The following USP6NL variants were observed in gnomAD, a reference collection of about 807,000 sequenced individuals.
USP6NL encodes USP6 N-terminal-like protein.
A neutral mutation model predicts 61.9 loss-of-function variants in USP6NL; 26 were observed. The ratio of observed to expected loss-of-function variants is 0.42; its 90% CI spans 0.31 to 0.58. The LOEUF is 0.58. USP6NL is among the 20% of genes least tolerant of loss of function. The pLI is 0.16. For missense variants in USP6NL, 1,114 were observed against 1,034.3 expected, an observed-to-expected ratio of 1.08 and a Z score of -1.06; for synonymous variants, 432 against 390.1, an observed-to-expected ratio of 1.11 and a Z score of -1.27.
rs770020629 is a variant in USP6NL at position 11,520,054 on chromosome 10, A to G, written c.156-1480T>C. 6.6e-6 allele frequency among the ~76,000 whole-genome samples: 1 copy of G among 152,228 alleles called. No homozygotes were observed. Among genetic ancestry groups the G allele is most frequent in the Non-Finnish European group, 1.5e-5 (1 of 68,036 alleles). On this transcript the variant is annotated intron_variant, in intron 4 of 14. Transcript: ENST00000609104. This position sits in a 1 kb window ranked among gnomAD's most constrained non-coding sequence, Gnocchi z 5.2. ...AACTAACACAAAAGAATAACCGCCA[A>G]AAGAGATCTTAGAGTCCAAATCTCT... is the stretch of plus-strand genomic sequence containing the variant.
rs1045425911 is a variant in USP6NL at position 11,597,489 on chromosome 10, G to A, written c.4+142C>T. ...TCTCCTTGTCTTAACACAGACAAGC[G>A]CAGAGTGCTGGGTGGAACCACATTC... On this transcript the variant is annotated intron_variant, in intron 2 of 14. Transcript: ENST00000609104. This position sits in a 1 kb window ranked among gnomAD's most constrained non-coding sequence, Gnocchi z 4.6. 5.0e-5 allele frequency: 39 copies of A among 775,012 alleles called. No homozygotes were observed. The highest frequency in any genetic ancestry group is 1.7e-4 in the Admixed American group (7 of 42,124). The allele number at this position is 775,012 out of a possible 1,614,324, so 48.0% of individuals were successfully genotyped here. A position where few individuals can be genotyped will look rare whatever the true frequency, so the allele number is the denominator to read the frequency against.
rs1833260462 is a variant in USP6NL, at chr10:11,482,871, C to A, written c.926-949G>T. Among the ~76,000 whole-genome samples the A allele has an allele frequency of 6.6e-6, 1 of 151,876 alleles. No individual in the cohort carries two copies. Among genetic ancestry groups the A allele is most frequent in the Admixed American group, 6.6e-5 (1 of 15,258 alleles). ...AAGAGTTTTTCTTTTTTTTAATTGGCTAATGACAAATTGTATATATCTGTG... is the reference window on the plus strand; with the variant it reads ...AAGAGTTTTTCTTTTTTTTAATTGGATAATGACAAATTGTATATATCTGTG... On this transcript the variant is annotated intron_variant, in intron 13 of 14. Transcript: ENST00000609104. This position sits in a 1 kb window ranked among gnomAD's most constrained non-coding sequence, Gnocchi z 4.0.
At chr10:11,555,154 G>A (rs1416804673) in intron 2 of USP6NL, among the ~76,000 whole-genome samples, 3 of 143,014 alleles carry the variant, frequency 2.1e-5, no homozygotes, top group Non-Finnish European at 4.5e-5. Flanking sequence ...AGTGGCTCAC[G>A]GCTCTAATCC....
Position 11,513,086 on chromosome 10 carries a change from A to T in USP6NL, c.196-3411T>A, listed in dbSNP as rs1053922719. ...GACTGGATATGTTCATGTTTTTATC[A>T]CCTAAAACAGTGGTTGTTATATAAG... On this transcript the variant is annotated intron_variant, in intron 5 of 14. Transcript: ENST00000609104. The surrounding 1 kb of genome is among the most constrained non-coding windows in gnomAD (Gnocchi z 4.7). Among the ~76,000 whole-genome samples, 2 of 152,230 alleles carry T rather than the reference A, an allele frequency of 1.3e-5. No individual in the cohort carries two copies. The highest frequency in any genetic ancestry group is 1.3e-4 in the Admixed American group (2 of 15,286).
At position 11,561,819 on chromosome 10, in the gene USP6NL, T is replaced by C. The variant is rs532332832; in HGVS notation, c.5-34252A>G. 6.6e-6 allele frequency among the ~76,000 whole-genome samples: 1 copy of C among 152,352 alleles called. No homozygotes were observed. Among genetic ancestry groups the C allele is most frequent in the East Asian group, 1.9e-4 (1 of 5,188 alleles). ...TACCAATTTGTTCTCTTACCAACAATATGTGAGCACCTTTTTCATCACATT... is the reference window on the plus strand; with the variant it reads ...TACCAATTTGTTCTCTTACCAACAACATGTGAGCACCTTTTTCATCACATT... On this transcript the variant is annotated intron_variant, in intron 2 of 14. Transcript: ENST00000609104. This position sits in a 1 kb window ranked among gnomAD's most constrained non-coding sequence, Gnocchi z 4.1.
intron 2 of USP6NL, among the ~76,000 whole-genome samples, chr10:11,577,407 C>A (rs1461325089): frequency 6.6e-6 from 1 of 151,952 alleles, no homozygotes; most frequent in Non-Finnish European, 1.5e-5. Context: ...TCTATTTTTT[C>A]TGATACTATT....
At chr10:11,588,367 G>A (rs1353108544) in intron 2 of USP6NL, among the ~76,000 whole-genome samples, 1 of 152,152 alleles carries the variant, frequency 6.6e-6, no homozygotes, top group Non-Finnish European at 1.5e-5. Flanking sequence ...ATTTTACCGT[G>A]GTTATGCAAA....
Position 11,468,649 on chromosome 10 carries a change from G to C in USP6NL, c.1079-4800C>G, listed in dbSNP as rs1389548586. On this transcript the variant is annotated intron_variant, in intron 14 of 14. Coordinates refer to ENST00000609104, the MANE Select transcript of USP6NL (RefSeq NM_014688.5). This position sits in a 1 kb window ranked among gnomAD's most constrained non-coding sequence, Gnocchi z 4.5. ...TAAACTGTAGCGTGGGAGTGGAGGG[G>C]AGGAGGTGTGGGAAAAATGCGGAAC... is the stretch of plus-strand genomic sequence containing the variant. 6.6e-6 allele frequency among the ~76,000 whole-genome samples: 1 copy of C among 152,244 alleles called. No homozygotes were observed. The highest frequency in any genetic ancestry group is 1.5e-5 in the Non-Finnish European group (1 of 68,036).
intron 2 of USP6NL, among the ~76,000 whole-genome samples, chr10:11,546,478 C>T (rs891140770): frequency 1.3e-5 from 2 of 152,112 alleles, no homozygotes; most frequent in East Asian, 1.9e-4. Flanking sequence ...CTAGGTTCAC[C>T]GCAACCTCCG....
At chr10:11,506,579 T>A (rs1383001877) in intron 6 of USP6NL, among the ~76,000 whole-genome samples, 2 of 151,550 alleles carry the variant, frequency 1.3e-5, no homozygotes, top group Non-Finnish European at 2.9e-5. Flanking sequence ...AGCCCAGGAG[T>A]TGCAGGCTGC....
intron 14 of USP6NL, among the ~76,000 whole-genome samples, chr10:11,464,438 T>C (rs1832358295): frequency 1.3e-5 from 2 of 152,226 alleles, no homozygotes; most frequent in Admixed American, 6.5e-5. Flanking sequence ...TGCAGGGCTC[T>C]ACTATTTTCC....
rs75354249 is a variant in USP6NL, at chr10:11,595,923, T to C, written c.4+1708A>G. 0.022 allele frequency among the ~76,000 whole-genome samples: 3,348 copies of C among 152,294 alleles called. 66 individuals are homozygous for C. Among genetic ancestry groups the C allele is most frequent in the Non-Finnish European group, 0.035 (2,383 of 68,020 alleles). On this transcript the variant is annotated intron_variant, in intron 2 of 14. Coordinates refer to ENST00000609104, the MANE Select transcript of USP6NL (RefSeq NM_014688.5). The surrounding 1 kb of genome is among the most constrained non-coding windows in gnomAD (Gnocchi z 5.3). ...CCAGTTAAAAATCTTGCAAATGAAA[T>C]ATAAATATTACAATTTAAAGGTGAA...
Position 11,493,244 on chromosome 10 carries a change from GAGAAC to G in USP6NL, c.385-21_385-17del, listed in dbSNP as rs1833777253. The G allele has an allele frequency of 1.9e-6, 3 of 1,585,144 alleles. No individual in the cohort carries two copies. Among genetic ancestry groups the G allele is most frequent in the South Asian group, 1.1e-5 (1 of 87,278 alleles). ...GTTTTAATTTCTGAAGAGAGAAAGA[GAGAAC>G]AGAACAGATTTTTATGGAAATTAGT... On this transcript the variant is annotated splice_polypyrimidine_tract_variant and intron_variant, in intron 7 of 14. Coordinates refer to ENST00000609104, the MANE Select transcript of USP6NL (RefSeq NM_014688.5).
At chr10:11,565,658 A>G (rs1261353388) in intron 2 of USP6NL, 1 of 151,976 alleles carries the variant, frequency 6.6e-6, no homozygotes, top group African/African-American at 2.4e-5. Flanking sequence ...AAAAAAAAAG[A>G]ATATATCATC....
rs1196771962 is a variant in USP6NL, at chr10:11,561,069, T to G, written c.5-33502A>C. On this transcript the variant is annotated intron_variant, in intron 2 of 14. Coordinates refer to ENST00000609104, the MANE Select transcript of USP6NL (RefSeq NM_014688.5). This position sits in a 1 kb window ranked among gnomAD's most constrained non-coding sequence, Gnocchi z 4.1. ...ACTCAAGCAGCCCTGAATATCTCATTAGGCCCTGAGTTGCAAAGAAAAAAC... is the reference window on the plus strand; with the variant it reads ...ACTCAAGCAGCCCTGAATATCTCATGAGGCCCTGAGTTGCAAAGAAAAAAC... Among the ~76,000 whole-genome samples the G allele has an allele frequency of 4.6e-5, 7 of 152,172 alleles. No homozygotes were observed. Among genetic ancestry groups the G allele is most frequent in the Admixed American group, 2.0e-4 (3 of 15,278 alleles).
chr10:11,469,073 A>G (rs914020043), intron 14 of USP6NL, among the ~76,000 whole-genome samples: 4 of 152,222 alleles, frequency 2.6e-5, no homozygotes, highest in Non-Finnish European at 5.9e-5. Context: ...TCTATGCATC[A>G]TATTAGAATT....
rs1413232156 is a variant in USP6NL at position 11,537,070 on chromosome 10, G to A, written c.5-9503C>T. ...TTTTCTCTTCAGAAGAGCCACACAA[G>A]TTCCATACATATCTTCATATTCCTC... On this transcript the variant is annotated intron_variant, in intron 2 of 14. Transcript: ENST00000609104. This position sits in a 1 kb window ranked among gnomAD's most constrained non-coding sequence, Gnocchi z 5.1. Among the ~76,000 whole-genome samples the A allele has an allele frequency of 6.6e-6, 1 of 152,136 alleles. No individual in the cohort carries two copies. The highest frequency in any genetic ancestry group is 2.4e-5 in the African/African-American group (1 of 41,440).
At position 11,489,993 on chromosome 10, in the gene USP6NL, C is replaced by G. The variant is rs1384718023; in HGVS notation, c.544-771G>C. 6.6e-6 allele frequency among the ~76,000 whole-genome samples: 1 copy of G among 152,188 alleles called. No individual in the cohort carries two copies. The highest frequency in any genetic ancestry group is 1.5e-5 in the Non-Finnish European group (1 of 68,036). On this transcript the variant is annotated intron_variant, in intron 9 of 14. Coordinates refer to ENST00000609104, the MANE Select transcript of USP6NL (RefSeq NM_014688.5). This position sits in a 1 kb window ranked among gnomAD's most constrained non-coding sequence, Gnocchi z 5.7. ...GAACTGAACAGTTCACAGAGATCAT[C>G]TGAGATACTGAGTGGCCCCCAGAAT... is the stretch of plus-strand genomic sequence containing the variant.
At chr10:11,588,399 A>C (rs1838050279) in intron 2 of USP6NL, among the ~76,000 whole-genome samples, 1 of 152,238 alleles carries the variant, frequency 6.6e-6, no homozygotes, top group African/African-American at 2.4e-5. Flanking sequence ...GTTTTTCGGA[A>C]CCATACACTG....
Sources: allele counts gnomAD v4.1 joint callset (sites outside exome capture counted in the v4.1 genomes callset), GRCh38; gene constraint gnomAD v4.1.1; non-coding constraint Gnocchi (gnomAD v3.1); transcripts MANE v1.5; gene names NCBI Gene and HGNC (gene_info 2026-07-23, HGNC 2026-07-21).